DCC: variants seen among roughly 807,000 people sequenced by gnomAD.
The protein encoded by DCC is DCC netrin 1 receptor, also known as netrin receptor DCC.
In DCC, 58 loss-of-function variants were observed where a neutral mutation model predicts 172.5. That is an observed-to-expected ratio of 0.34 (90% CI 0.27 to 0.42). The LOEUF is 0.42. Ranked by LOEUF, DCC falls within the 10% of genes least tolerant of loss-of-function variation. The pLI is 1.00. For synonymous variants in DCC, 709 were observed against 644.5 expected (o/e 1.10, Z -1.52); for missense variants, 1,740 against 1,791.0 (o/e 0.97, Z 0.51).
intron 27 of DCC, among the ~76,000 whole-genome samples, chr18:53,517,436 C>T (rs2046347659): frequency 7.6e-6 from 1 of 132,422 alleles, no homozygotes; most frequent in Non-Finnish European, 1.6e-5. Flanking sequence ...TACCCTAAAA[C>T]TTAAAATATA....
intron 22 of DCC, among the ~76,000 whole-genome samples, chr18:53,438,353 A>C (rs1275441470): frequency 1.3e-5 from 2 of 152,230 alleles, no homozygotes; most frequent in Non-Finnish European, 2.9e-5. Context: ...CACAGACACA[A>C]AACTATGTAC....
intron 15 of DCC, among the ~76,000 whole-genome samples, chr18:53,341,181 T>G (rs2144872998): frequency 1.3e-5 from 2 of 152,296 alleles, no homozygotes; most frequent in South Asian, 4.1e-4. Flanking sequence ...GCATCCACCA[T>G]CTTTGACAGT....
At chr18:53,214,968 C>T (rs894852439) in intron 11 of DCC, among the ~76,000 whole-genome samples, 1 of 152,250 alleles carries the variant, frequency 6.6e-6, no homozygotes, top group South Asian at 2.1e-4. Context: ...TGCTGCTTTG[C>T]TAATAGAATT....
chr18:52,909,738 A>C lies in DCC; in HGVS notation c.697+3410A>C, dbSNP rs141301205. Among the ~76,000 whole-genome samples, 275 of 152,250 alleles carry C rather than the reference A, an allele frequency of 1.8e-3. 1 individual carries two copies. Among genetic ancestry groups the C allele is most frequent in the African/African-American group, 6.3e-3 (263 of 41,556 alleles). ...CTTTATTCAATTAACTTTTGAATGA[A>C]TCTTACATACCTGACATCTTGATGT... is the stretch of plus-strand genomic sequence containing the variant. On this transcript the variant is annotated intron_variant, in intron 3 of 28. Transcript: ENST00000442544.
intron 2 of DCC, among the ~76,000 whole-genome samples, chr18:52,754,616 A>C (rs2037051075): frequency 6.6e-6 from 1 of 152,236 alleles, no homozygotes; most frequent in South Asian, 2.1e-4. Context: ...TTGAGAAATC[A>C]ATGTCTGTTG....
intron 9 of DCC, among the ~76,000 whole-genome samples, chr18:53,189,021 A>G (rs1277159741): frequency 6.6e-6 from 1 of 152,172 alleles, no homozygotes; most frequent in East Asian, 1.9e-4. Context: ...CTGGGTGTAC[A>G]TGAATTTTTG....
At chr18:52,599,042 A>G (rs1287737989) in intron 1 of DCC, among the ~76,000 whole-genome samples, 1 of 152,190 alleles carries the variant, frequency 6.6e-6, no homozygotes, top group Non-Finnish European at 1.5e-5. Context: ...ACACTGTTGC[A>G]TTGGGGATTA....
At chr18:53,099,943 C>CTTTTTTTTTTTTTTTTTTTTTT (rs533618559) in intron 7 of DCC, among the ~76,000 whole-genome samples, 4 of 92,758 alleles carry the variant, frequency 4.3e-5, no homozygotes, top group African/African-American at 1.0e-4. Flanking sequence ...TTCTTTCTTT[C>CTTTTTTTTTTTTTTTTTTTTTT]TTTTTTTTTT....
At chr18:53,478,305 C>T (rs1361763422) in intron 25 of DCC, among the ~76,000 whole-genome samples, 1 of 151,926 alleles carries the variant, frequency 6.6e-6, no homozygotes, top group African/African-American at 2.4e-5. Context: ...TGGATGAGAG[C>T]ATTCCTTGAA....
At chr18:52,778,667 C>T (rs1357382173) in intron 2 of DCC, among the ~76,000 whole-genome samples, 5 of 152,066 alleles carry the variant, frequency 3.3e-5, no homozygotes, top group African/African-American at 1.2e-4. Flanking sequence ...TGAGTAATTG[C>T]CTAGTTTTTT....
intron 7 of DCC, among the ~76,000 whole-genome samples, chr18:53,135,618 G>A (rs1052789648): frequency 1.3e-5 from 2 of 152,080 alleles, no homozygotes. Context: ...AACTGGACAA[G>A]GTTTTATGGT....
chr18:53,046,448 C>T (rs539648377), intron 5 of DCC, among the ~76,000 whole-genome samples: 1 of 150,422 alleles, frequency 6.6e-6, no homozygotes, highest in African/African-American at 2.5e-5. Flanking sequence ...CCCATACATA[C>T]TTCCATGTTA....
chr18:53,209,257 G>A (rs1341483729), intron 11 of DCC, among the ~76,000 whole-genome samples: 1 of 152,134 alleles, frequency 6.6e-6, no homozygotes, highest in Non-Finnish European at 1.5e-5. Flanking sequence ...AGATGATCAT[G>A]AAAGGTTGGG....
chr18:53,199,764 A>G (rs1389694978), intron 9 of DCC, among the ~76,000 whole-genome samples: 1 of 152,132 alleles, frequency 6.6e-6, no homozygotes, highest in Non-Finnish European at 1.5e-5. Context: ...ACACATATCT[A>G]ACAAGCAAGC....
intron 7 of DCC, among the ~76,000 whole-genome samples, chr18:53,147,359 C>T (rs2043931498): frequency 6.6e-6 from 1 of 152,048 alleles, no homozygotes; most frequent in South Asian, 2.1e-4. Context: ...TACCTAAAAA[C>T]AAAAAGGAAT....
intron 2 of DCC, among the ~76,000 whole-genome samples, chr18:52,883,134 A>G (rs1271496551): frequency 6.6e-6 from 1 of 151,634 alleles, no homozygotes; most frequent in African/African-American, 2.4e-5. Context: ...TTTTCAGTCC[A>G]TGTGCATCTT....
At chr18:52,826,658 T>C (rs1479876554) in intron 2 of DCC, among the ~76,000 whole-genome samples, 2 of 151,966 alleles carry the variant, frequency 1.3e-5, no homozygotes, top group African/African-American at 4.8e-5. Flanking sequence ...TTTGTATTTT[T>C]AGTAGAGATG....
intron 14 of DCC, among the ~76,000 whole-genome samples, chr18:53,326,657 G>T (rs2057471425): frequency 6.6e-6 from 1 of 152,232 alleles, no homozygotes; most frequent in East Asian, 1.9e-4. Context: ...TAATGTATTT[G>T]TGTAAATGTT....
In DCC at chr18:53,065,985, A is replaced by G. The variant is rs146892195; in HGVS notation, c.1141-61A>G. 1.8e-4 allele frequency: 296 copies of G among 1,605,378 alleles called. 1 individual carries two copies. In the East Asian group the frequency reaches 5.5e-3, roughly 30 times the overall value. On this transcript the variant is annotated intron_variant, in intron 6 of 28. Transcript: ENST00000442544. Reference sequence around the variant, plus strand: ...TCAAACTTTGGTCTCATCTAAGTTCATTTTGTCACCTTGCATTTTTTGCTT... The same window carrying G: ...TCAAACTTTGGTCTCATCTAAGTTCGTTTTGTCACCTTGCATTTTTTGCTT...
Sources: gnomAD v4.1 joint callset for allele counts (sites outside exome capture counted in the v4.1 genomes callset) on GRCh38, gnomAD v4.1.1 for gene constraint, MANE v1.5 for transcripts, NCBI Gene and HGNC (gene_info 2026-07-23, HGNC 2026-07-21) for gene names.